Variants in NAALADL2 observed in about 807,000 individuals in gnomAD.
The protein encoded by NAALADL2 is inactive N-acetylated-alpha-linked acidic dipeptidase-like protein 2.
In NAALADL2, 76 loss-of-function variants were observed where a neutral mutation model predicts 87.2. The ratio of observed to expected loss-of-function variants is 0.87; its 90% confidence interval spans 0.72 to 1.05. NAALADL2 has a LOEUF of 1.05. NAALADL2 is among the 50% of genes least tolerant of loss of function. NAALADL2 has a pLI of 0.00. For synonymous variants in NAALADL2, 354 were observed against 331.0 expected, an observed-to-expected ratio of 1.07 and a Z score of -0.75; for missense variants, 1,089 against 945.8, an observed-to-expected ratio of 1.15 and a Z score of -1.99.
At chr3:175,298,854 A>C (rs1756685395) in intron 4 of NAALADL2, among the ~76,000 whole-genome samples, 1 of 152,172 alleles carries the variant, frequency 6.6e-6, no homozygotes, top group Admixed American at 6.5e-5. Context: ...CATGAGGTGC[A>C]AATTGTTGTT....
intron 11 of NAALADL2, among the ~76,000 whole-genome samples, chr3:175,679,229 T>A (rs141661536): frequency 0.016 from 2,451 of 151,564 alleles, 76 homozygotes; most frequent in African/African-American, 0.057. Flanking sequence ...ATGGCTTAGC[T>A]TGGGCTCAGA....
At chr3:175,575,581 G>A (rs1486821331) in intron 9 of NAALADL2, among the ~76,000 whole-genome samples, 1 of 151,926 alleles carries the variant, frequency 6.6e-6, no homozygotes, top group Non-Finnish European at 1.5e-5. Context: ...CACCACGCCC[G>A]GCCTCTTCTC....
At chr3:175,741,404 C>T (rs1745220048) in intron 12 of NAALADL2, among the ~76,000 whole-genome samples, 1 of 152,198 alleles carries the variant, frequency 6.6e-6, no homozygotes, top group South Asian at 2.1e-4. Context: ...CCTCCTAATA[C>T]CATCACTTTA....
Position 175,097,223 on chromosome 3 carries a change from A to G in NAALADL2, c.477A>G (p.Thr159=), listed in dbSNP as rs1560022623. The G allele has an allele frequency of 6.2e-7, 1 of 1,613,266 alleles. No homozygotes were observed. The highest frequency in any genetic ancestry group is 1.7e-5 in the Admixed American group (1 of 59,990). The change falls in exon 2 of 14, where the codon ACA becomes ACG. Residue 159 remains threonine, a synonymous_variant. Transcript: ENST00000454872. ...CTTCAGATGCTCCATCTTCAGGAACAGTTGATCCTCAGTTATATCAAGAGA... is the reference window on the plus strand; with the variant it reads ...CTTCAGATGCTCCATCTTCAGGAACGGTTGATCCTCAGTTATATCAAGAGA... ...NCPSDAPSSG[T]VDPQLYQEIL...
At chr3:175,121,222 T>A (rs1484053822) in intron 2 of NAALADL2, among the ~76,000 whole-genome samples, 1 of 151,886 alleles carries the variant, frequency 6.6e-6, no homozygotes. Flanking sequence ...GATCTATAAG[T>A]GTGTTGGTGA....
chr3:175,179,822 T>A (rs902119378), intron 2 of NAALADL2, among the ~76,000 whole-genome samples: 1 of 152,048 alleles, frequency 6.6e-6, no homozygotes, highest in African/African-American at 2.4e-5. Flanking sequence ...TAGCTTGATT[T>A]ATACTGGTTC....
chr3:175,429,955 C>A (rs891712592), intron 5 of NAALADL2, among the ~76,000 whole-genome samples: 3 of 151,706 alleles, frequency 2.0e-5, no homozygotes, highest in African/African-American at 7.3e-5. Flanking sequence ...TTAGGAGACA[C>A]TATATTGGTG....
chr3:175,789,263 A>ACTT (rs1457388703), intron 13 of NAALADL2, among the ~76,000 whole-genome samples: 7 of 147,208 alleles, frequency 4.8e-5, no homozygotes, highest in Non-Finnish European at 1.1e-4. Flanking sequence ...ATTTTTGTCA[A>ACTT]CTTCTACTGT....
chr3:175,219,728 T>A (rs1743055287), intron 2 of NAALADL2, among the ~76,000 whole-genome samples: 1 of 152,038 alleles, frequency 6.6e-6, no homozygotes, highest in East Asian at 1.9e-4. Context: ...CTTGTCTGTT[T>A]GGCATCATAG....
At chr3:175,498,108 A>C (rs1225313742) in intron 9 of NAALADL2, among the ~76,000 whole-genome samples, 2 of 152,126 alleles carry the variant, frequency 1.3e-5, no homozygotes, top group East Asian at 3.9e-4. Flanking sequence ...AGAATTAGTG[A>C]ACTTGAAAAC....
intron 5 of NAALADL2, among the ~76,000 whole-genome samples, chr3:175,411,356 G>C (rs1427531640): frequency 1.3e-5 from 2 of 152,156 alleles, no homozygotes; most frequent in Non-Finnish European, 2.9e-5. Context: ...TTCAGGAAGA[G>C]GGATTAAGTA....
chr3:174,982,209 A>G (rs1419681889), intron 1 of NAALADL2, among the ~76,000 whole-genome samples: 2 of 152,174 alleles, frequency 1.3e-5, no homozygotes, highest in Non-Finnish European at 2.9e-5. Context: ...ATCCAGAGAT[A>G]AAAGCTATGT....
chr3:175,531,995 C>G (rs1734149434), intron 9 of NAALADL2, among the ~76,000 whole-genome samples: 1 of 152,154 alleles, frequency 6.6e-6, no homozygotes, highest in Non-Finnish European at 1.5e-5. Flanking sequence ...AGAGGCAGCT[C>G]TAAAGGCTTC....
intron 5 of NAALADL2, among the ~76,000 whole-genome samples, chr3:175,395,767 C>T (rs568809848): frequency 4.7e-4 from 71 of 152,210 alleles, no homozygotes; most frequent in Non-Finnish European, 6.6e-4. Flanking sequence ...TGAAAAAGGC[C>T]GCTGTTTTCA....
At chr3:174,783,545 C>T (rs189398497) in intron 3 of NAALADL2, among the ~76,000 whole-genome samples, 1,654 of 152,170 alleles carry the variant, frequency 0.011, 17 homozygotes, top group Middle Eastern at 0.027. Flanking sequence ...ATTTTGCAAC[C>T]GTGGCAAATT....
intron 4 of NAALADL2, among the ~76,000 whole-genome samples, chr3:175,269,596 G>T (rs898379493): frequency 1.3e-5 from 2 of 152,196 alleles, no homozygotes; most frequent in Non-Finnish European, 2.9e-5. Context: ...TTTACTTTCA[G>T]ATACACACTC....
intron 3 of NAALADL2, among the ~76,000 whole-genome samples, chr3:174,769,270 C>G (rs565482299): frequency 2.1e-4 from 32 of 152,040 alleles, no homozygotes; most frequent in African/African-American, 7.7e-4. Flanking sequence ...GAAAATGCAG[C>G]CTAAAACCTT....
intron 3 of NAALADL2, among the ~76,000 whole-genome samples, chr3:174,846,386 T>C (rs1475122685): frequency 1.3e-5 from 2 of 152,228 alleles, no homozygotes; most frequent in Non-Finnish European, 2.9e-5. Flanking sequence ...TGTCAGGGGA[T>C]GAGAGCCAAA....
Position 175,702,626 on chromosome 3 carries a change from T to A in NAALADL2, c.1897-34680T>A, listed in dbSNP as rs192062836. Among the ~76,000 whole-genome samples the A allele has an allele frequency of 5.9e-5, 9 of 152,304 alleles. No homozygotes were observed. In the East Asian group the frequency reaches 1.7e-3, roughly 29 times the overall value. On this transcript the variant is annotated intron_variant, in intron 11 of 13. Transcript: ENST00000454872. ...ATTGTAAGACACAAAGCATAATTTG[T>A]TTTTCATCCCATGCCAGATCCTGAT...
Sources: allele counts gnomAD v4.1 joint callset (sites outside exome capture counted in the v4.1 genomes callset), GRCh38; gene constraint gnomAD v4.1.1; transcripts MANE v1.5; gene names NCBI Gene and HGNC (gene_info 2026-07-23, HGNC 2026-07-21).